Variants in POFUT2 observed in about 807,000 individuals in gnomAD.
POFUT2 encodes protein O-fucosyltransferase 2.
In POFUT2, 30 loss-of-function variants were observed where a neutral mutation model predicts 55.0. That is an observed-to-expected ratio of 0.55 (90% CI 0.41 to 0.74). The LOEUF is 0.74. Among genes scored for constraint, POFUT2 ranks in the 30% least tolerant of loss-of-function variants. The pLI, the probability that POFUT2 is intolerant of heterozygous loss-of-function variation, is 0.00. For synonymous variants in POFUT2, 267 were observed against 231.1 expected (o/e 1.16, Z -1.41); for missense variants, 524 against 562.6 (o/e 0.93, Z 0.69).
Position 45,268,915 on chromosome 21 carries a change from G to T in POFUT2, c.1012+924C>A, listed in dbSNP as rs1321427336. ...GCCCCGTCCGGGAGGGAGGTGGGGG[G>T]GTCAGCCCCCCGCCTGGCCAGCCGC... On this transcript the variant is annotated intron_variant, in intron 7 of 8. Coordinates refer to ENST00000349485, the MANE Select transcript of POFUT2 (RefSeq NM_133635.6). 1.7e-4 allele frequency among the ~76,000 whole-genome samples: 17 copies of T among 102,896 alleles called. 3 individuals carry two copies. Among genetic ancestry groups the T allele is most frequent in the Admixed American group, 1.8e-4 (2 of 11,408 alleles). The allele number at this position is 102,896 out of a possible 152,430, so 67.5% of individuals were successfully genotyped here.
In POFUT2 at chr21:45,282,754, C is replaced by T; in HGVS notation, c.528-295G>A. Reference sequence around the variant, plus strand: ...CAGCCCTGTGCACCTTCAGGGCCAGCCTGGCTGTGACCGTCAGCCAAGTCA... The same window carrying T: ...CAGCCCTGTGCACCTTCAGGGCCAGTCTGGCTGTGACCGTCAGCCAAGTCA... On this transcript the variant is annotated intron_variant, in intron 3 of 8. Coordinates refer to ENST00000349485, the MANE Select transcript of POFUT2 (RefSeq NM_133635.6). The surrounding 1 kb of genome is among the most constrained non-coding windows in gnomAD (Gnocchi z 4.6). The T allele has an allele frequency of 1.9e-6, 1 of 532,228 alleles. No individual in the cohort carries two copies. Among genetic ancestry groups the T allele is most frequent in the Non-Finnish European group, 3.7e-6 (1 of 271,038 alleles). The allele number at this position is 532,228 out of a possible 1,614,324, so 33.0% of individuals were successfully genotyped here.
chr21:45,269,880 C>T lies in POFUT2; in HGVS notation c.971G>A (p.Arg324Gln), dbSNP rs143763248. The T allele has an allele frequency of 6.4e-4, 1,029 of 1,611,004 alleles. 3 individuals carry two copies. In the African/African-American group the frequency reaches 7.8e-3, roughly 12 times the overall value. Reference sequence around the variant, plus strand: ...TGTGGCCACAAACACCTTGTCCAGCCGGTGGGTCTTCATGAGGCTGCGGAT... The same window carrying T: ...TGTGGCCACAAACACCTTGTCCAGCTGGTGGGTCTTCATGAGGCTGCGGAT... ...RKIRSLMKTH[R>Q]LDKVFVATDA... The change falls in exon 7 of 9, where the codon CGG becomes CAG. Residue 324 changes from arginine to glutamine, a missense_variant. By Grantham distance (43) the Arg-to-Gln change is conservative (BLOSUM62 1). This residue lies in a region of POFUT2 where 250 missense variants were observed against 318.2 expected (regional missense o/e 0.79). Coordinates refer to ENST00000349485, the MANE Select transcript of POFUT2 (RefSeq NM_133635.6).
In POFUT2 at chr21:45,267,861, C is replaced by G. The variant is rs1406595834; in HGVS notation, c.1013-148G>C. 8.6e-6 allele frequency: 6 copies of G among 697,876 alleles called. No individual in the cohort carries two copies. Among genetic ancestry groups the G allele is most frequent in the Non-Finnish European group, 1.5e-5 (6 of 401,136 alleles). 43.2% of individuals were successfully genotyped at this position (697,876 alleles called of 1,614,324 possible). A position where few individuals can be genotyped will look rare whatever the true frequency, so the allele number is the denominator to read the frequency against. Reference sequence around the variant, plus strand: ...GGTGCAGACACACAACTCAGCTTTACCCTCCCAGGAATTACAGTTGAAGAT... The same window carrying G: ...GGTGCAGACACACAACTCAGCTTTAGCCTCCCAGGAATTACAGTTGAAGAT... On this transcript the variant is annotated intron_variant, in intron 7 of 8. Transcript: ENST00000349485. This position sits in a 1 kb window ranked among gnomAD's most constrained non-coding sequence, Gnocchi z 4.4.
At chr21:45,279,181 G>A (rs1176824165) in intron 4 of POFUT2, among the ~76,000 whole-genome samples, 16 of 147,088 alleles carry the variant, frequency 1.1e-4, no homozygotes, top group Non-Finnish European at 3.0e-5. Flanking sequence ...CACGAGGTCA[G>A]GAGATCGAGA....
chr21:45,282,401 G>A lies in POFUT2; in HGVS notation c.586C>T (p.Gln196Ter). 1 of 1,613,610 alleles carries A rather than the reference G, an allele frequency of 6.2e-7. No homozygotes were observed. The highest frequency in any genetic ancestry group is 8.5e-7 in the Non-Finnish European group (1 of 1,179,850). The change falls in exon 4 of 9, where the codon CAG (glutamine) becomes TAG (stop). Residue 196 changes from glutamine (Q) to a stop codon, truncating the protein, a stop_gained. Coordinates refer to ENST00000349485, the MANE Select transcript of POFUT2 (RefSeq NM_133635.6). LOFTEE classifies it high-confidence loss of function. The surrounding 1 kb of genome is among the most constrained non-coding windows in gnomAD (Gnocchi z 4.6). ...RGLNVSCLSV[Q>*]GSASIVAPLL... ...GGCGCCACGATGGAGGCTGAGCCCT[G>A]GACGGACAGACAGGAGACGTTTAGA...
At position 45,270,758 on chromosome 21, in the gene POFUT2, G is replaced by A. The variant is rs1200066672; in HGVS notation, c.832-739C>T. Among the ~76,000 whole-genome samples the A allele has an allele frequency of 6.6e-6, 1 of 152,170 alleles. No individual in the cohort carries two copies. The highest frequency in any genetic ancestry group is 1.5e-5 in the Non-Finnish European group (1 of 68,024). The stretch of plus-strand genomic sequence containing the variant: ...CAGACATTCCCCAGCAGCATCCCAG[G>A]GCCTGGTAGCCCCACTGGGTGGCTA... On this transcript the variant is annotated intron_variant, in intron 6 of 8. Coordinates refer to ENST00000349485, the MANE Select transcript of POFUT2 (RefSeq NM_133635.6). This position sits in a 1 kb window ranked among gnomAD's most constrained non-coding sequence, Gnocchi z 4.6.
chr21:45,272,127 T>A (rs1268065869), intron 6 of POFUT2, among the ~76,000 whole-genome samples: 3 of 151,858 alleles, frequency 2.0e-5, no homozygotes, highest in African/African-American at 7.3e-5. Context: ...TGGAAAAAAA[T>A]CCACCTGAAA....
Position 45,282,799 on chromosome 21 carries a change from C to T in POFUT2, c.528-340G>A, listed in dbSNP as rs1227199507. ...AAGTCAACCGCGCCCTTCCCAAGAG[C>T]TCACCTGCCATGCTTTAGAGCCAGC... On this transcript the variant is annotated intron_variant, in intron 3 of 8. Transcript: ENST00000349485. The surrounding 1 kb of genome is among the most constrained non-coding windows in gnomAD (Gnocchi z 4.6). 1 of 497,406 alleles carries T rather than the reference C, an allele frequency of 2.0e-6. No individual in the cohort carries two copies. Among genetic ancestry groups the T allele is most frequent in the South Asian group, 1.5e-5 (1 of 64,708 alleles). The allele number at this position is 497,406 out of a possible 1,614,324, so 30.8% of individuals were successfully genotyped here. A position where few individuals can be genotyped will look rare whatever the true frequency, so the allele number is the denominator to read the frequency against.
intron 4 of POFUT2, among the ~76,000 whole-genome samples, chr21:45,280,959 C>T (rs1052796025): frequency 5.3e-5 from 8 of 152,242 alleles, no homozygotes; most frequent in Admixed American, 2.6e-4. Context: ...ACTGGCTTTA[C>T]CAATCTTTCT....
intron 8 of POFUT2, chr21:45,266,022 C>T: frequency 4.1e-6 from 5 of 1,215,922 alleles, no homozygotes; most frequent in Non-Finnish European, 5.2e-6. Flanking sequence ...TCCTACTAAC[C>T]ACACACTGTC....
intron 6 of POFUT2, among the ~76,000 whole-genome samples, chr21:45,272,525 T>C (rs1283142526): frequency 6.6e-6 from 1 of 152,060 alleles, no homozygotes; most frequent in Non-Finnish European, 1.5e-5. Flanking sequence ...AAAGAAACAA[T>C]AGACTCAAAC....
At chr21:45,274,036 C>T (rs181511535) in intron 6 of POFUT2, among the ~76,000 whole-genome samples, 9 of 152,292 alleles carry the variant, frequency 5.9e-5, no homozygotes, top group African/African-American at 2.2e-4. Context: ...TCACTGTTCA[C>T]TGATGATATA....
intron 6 of POFUT2, among the ~76,000 whole-genome samples, chr21:45,274,658 A>G (rs1426809513): frequency 6.6e-6 from 1 of 152,248 alleles, no homozygotes; most frequent in Non-Finnish European, 1.5e-5. Flanking sequence ...ATAAAGCCAA[A>G]TACTTACAGC....
At position 45,265,220 on chromosome 21, in the gene POFUT2, C is replaced by T. The variant is rs560823152; in HGVS notation, c.*262G>A. ...TCACCACGCGGGCACTGCTGGCAACCGAGCTGTGGGTTCACAGACGCTGCC... is the reference window on the plus strand; with the variant it reads ...TCACCACGCGGGCACTGCTGGCAACTGAGCTGTGGGTTCACAGACGCTGCC... On this transcript the variant is annotated 3_prime_UTR_variant, in exon 9 of 9. Transcript: ENST00000349485. The surrounding 1 kb of genome is among the most constrained non-coding windows in gnomAD (Gnocchi z 4.6). 3.5e-5 allele frequency: 13 copies of T among 368,376 alleles called. No homozygotes were observed. Among genetic ancestry groups the T allele is most frequent in the African/African-American group, 2.3e-4 (11 of 48,070 alleles). The allele number at this position is 368,376 out of a possible 1,614,324, so 22.8% of individuals were successfully genotyped here.
At chr21:45,272,524 A>G (rs2093227958) in intron 6 of POFUT2, among the ~76,000 whole-genome samples, 1 of 152,206 alleles carries the variant, frequency 6.6e-6, no homozygotes. Flanking sequence ...CAAAGAAACA[A>G]TAGACTCAAA....
chr21:45,272,468 A>G lies in POFUT2; in HGVS notation c.832-2449T>C, dbSNP rs184707139. Among the ~76,000 whole-genome samples the G allele has an allele frequency of 5.9e-5, 9 of 152,350 alleles. No homozygotes were observed. The East Asian group carries it at 1.3e-3, about 23-fold the overall frequency. On this transcript the variant is annotated intron_variant, in intron 6 of 8. Transcript: ENST00000349485. ...CAATACAACATAAGTGGGGACTTCA[A>G]TACTCCACTGACAGCACTGGACAGG... is the stretch of plus-strand genomic sequence containing the variant.
At chr21:45,278,900 G>C (rs2146626650) in intron 4 of POFUT2, among the ~76,000 whole-genome samples, 1 of 152,238 alleles carries the variant, frequency 6.6e-6, no homozygotes, top group Middle Eastern at 3.4e-3. Context: ...GCCTGTGACT[G>C]TCACGTTACC....
At position 45,284,954 on chromosome 21, in the gene POFUT2, G is replaced by A. The variant is rs2031204785; in HGVS notation, c.382+724C>T. Among the ~76,000 whole-genome samples the A allele has an allele frequency of 6.6e-6, 1 of 152,112 alleles. No homozygotes were observed. The highest frequency in any genetic ancestry group is 2.4e-5 in the African/African-American group (1 of 41,404). ...ACATTTCAGAGTGACAAGATCTAGG[G>A]TGCAACGAGAACCACATCCTTGAAA... On this transcript the variant is annotated intron_variant, in intron 2 of 8. Transcript: ENST00000349485. This position sits in a 1 kb window ranked among gnomAD's most constrained non-coding sequence, Gnocchi z 5.8.
chr21:45,279,351 C>T (rs1193044001), intron 4 of POFUT2, among the ~76,000 whole-genome samples: 3 of 151,938 alleles, frequency 2.0e-5, no homozygotes, highest in Non-Finnish European at 2.9e-5. Flanking sequence ...GCCGAGATCG[C>T]GCCACTGCAC....
Sources: allele counts gnomAD v4.1 joint callset (sites outside exome capture counted in the v4.1 genomes callset), GRCh38; gene constraint gnomAD v4.1.1; regional missense constraint gnomAD v4.1.1; non-coding constraint Gnocchi (gnomAD v3.1); transcripts MANE v1.5; gene names NCBI Gene and HGNC (gene_info 2026-07-23, HGNC 2026-07-21).